AMOT: variants seen among roughly 807,000 people sequenced by gnomAD.
AMOT encodes angiomotin.
A neutral mutation model predicts 67.0 loss-of-function variants in AMOT; 11 were observed. The ratio of observed to expected loss-of-function variants is 0.16; its 90% confidence interval spans 0.10 to 0.27. The LOEUF (loss-of-function observed/expected upper bound fraction) is 0.27. Among genes scored for constraint, AMOT ranks in the 10% least tolerant of loss-of-function variants. The pLI is 1.00. For missense variants in AMOT, 753 were observed against 852.0 expected (o/e 0.88, Z 1.45); for synonymous variants, 326 against 321.4 (o/e 1.01, Z -0.15).
Position 112,776,328 on chromosome X carries a change from T to C in AMOT, c.*2239A>G, listed in dbSNP as rs780881608. On this transcript the variant is annotated 3_prime_UTR_variant, in exon 14 of 14. Transcript: ENST00000371959. ...GGTGAAAAGTGTTTTTTAAATTATT[T>C]GGATAGAAAGTAGCTCTCCTGAAGT... 5 of 112,579 alleles carry C rather than the reference T, an allele frequency of 4.4e-5. No individual in the cohort carries two copies. The South Asian group carries it at 1.8e-3, about 42-fold the overall frequency. 9.3% of individuals were successfully genotyped at this position (112,579 alleles called of 1,213,427 possible).
chrX:112,837,077 G>C lies in AMOT; in HGVS notation c.-289+3375C>G, dbSNP rs142642393. Among the ~76,000 whole-genome samples, 28 of 111,266 alleles carry C rather than the reference G, an allele frequency of 2.5e-4. No homozygotes were observed. The East Asian group carries it at 7.9e-3, about 31-fold the overall frequency. On this transcript the variant is annotated intron_variant, in intron 1 of 13. Transcript: ENST00000371959. ...CCTGGGTTAGTCAAATACAGTAGCT[G>C]GAAATAAAACATTTTACCTATATGG...
rs184344806 is a variant in AMOT, at chrX:112,805,905, C to G, written c.1631-813G>C. Reference sequence around the variant, plus strand: ...CCATTTCACCTGAAGAAAACATCCTCTATTTGTGAATCTCCTTTTCTCCCT... The same window carrying G: ...CCATTTCACCTGAAGAAAACATCCTGTATTTGTGAATCTCCTTTTCTCCCT... On this transcript the variant is annotated intron_variant, in intron 7 of 13. Transcript: ENST00000371959. Among the ~76,000 whole-genome samples, 12 of 111,916 alleles carry G rather than the reference C, an allele frequency of 1.1e-4. No individual in the cohort carries two copies. The East Asian group carries it at 1.7e-3, about 16-fold the overall frequency.
chrX:112,812,664 A>G (rs1283817109), intron 5 of AMOT, among the ~76,000 whole-genome samples: 1 of 112,256 alleles, frequency 8.9e-6, no homozygotes, highest in African/African-American at 3.2e-5. Flanking sequence ...CGGTCTATTA[A>G]GCAATTTTCA....
intron 2 of AMOT, 62 bp from the exon 3 acceptor site, chrX:112,825,282 A>G (rs760985753): frequency 1.8e-5 from 2 of 111,638 alleles, no homozygotes; most frequent in African/African-American, 6.5e-5. Flanking sequence ...TTTGCCACCA[A>G]TGGCCAGCAG....
At position 112,779,178 on chromosome X, in the gene AMOT, C is replaced by T; in HGVS notation, c.2976G>A (p.Ala992=). Residue 992 remains alanine, a synonymous_variant, in exon 13 of 14, where the codon GCG becomes GCA. Transcript: ENST00000371959. The stretch of plus-strand genomic sequence containing the variant: ...TCTGAGCAGGAGCAGAAGCCTGAGC[C>T]GCTGCTGGAGCTGGAACCGGAACCA... ...PALVPVPAPA[A]AQASAPAQTQ... 2.3e-6 allele frequency: 2 copies of T among 851,401 alleles called. No homozygotes were observed. The highest frequency in any genetic ancestry group is 1.8e-6 in the Non-Finnish European group (1 of 566,566). The allele number at this position is 851,401 out of a possible 1,213,427, so 70.2% of individuals were successfully genotyped here. A position where few individuals can be genotyped will look rare whatever the true frequency, so the allele number is the denominator to read the frequency against.
chrX:112,790,406 G>A (rs1933526512), intron 10 of AMOT, among the ~76,000 whole-genome samples, 186 bp downstream of exon 10: 2 of 111,105 alleles, frequency 1.8e-5, no homozygotes, highest in Admixed American at 1.9e-4. Flanking sequence ...CAACTTTGAT[G>A]TTCAAATCCC....
intron 8 of AMOT, among the ~76,000 whole-genome samples, chrX:112,803,853 C>T (rs1368598526): frequency 1.8e-5 from 2 of 112,158 alleles, no homozygotes; most frequent in Non-Finnish European, 3.8e-5. Context: ...AATTTCTCAA[C>T]TTTTTATGAT....
chrX:112,835,586 C>CT (rs141494395), intron 1 of AMOT, among the ~76,000 whole-genome samples: 42 of 92,394 alleles, frequency 4.5e-4, no homozygotes, highest in African/African-American at 1.1e-3. Flanking sequence ...TCCATCAAAT[C>CT]TTTTTTTTTT....
Position 112,779,111 on chromosome X carries a change from C to G in AMOT, c.3043G>C (p.Ala1015Pro). The G allele has an allele frequency of 1.7e-6, 2 of 1,159,009 alleles. No homozygotes were observed. The highest frequency in any genetic ancestry group is 2.4e-6 in the Non-Finnish European group (2 of 847,193). Residue 1015 changes from alanine (A) to proline (P), a missense_variant, in exon 13 of 14, where the codon GCT (alanine) becomes CCT (proline). Ala to Pro is a conservative substitution (Grantham distance 27, BLOSUM62 -1). Coordinates refer to ENST00000371959, the MANE Select transcript of AMOT (RefSeq NM_001113490.2). ...TSAPAVAPTP[A>P]PTPTPAVAQA... ...GCCACAGCTGGAGTTGGAGTTGGAG[C>G]TGGAGTTGGAGCCACAGCCGGAGCT...
intron 5 of AMOT, among the ~76,000 whole-genome samples, chrX:112,812,601 T>C (rs1287440763): frequency 1.8e-5 from 2 of 112,138 alleles, no homozygotes; most frequent in African/African-American, 6.5e-5. Flanking sequence ...CCATTGCACA[T>C]ATAATAGCCA....
At chrX:112,801,277 A>T (rs1418164594) in intron 8 of AMOT, among the ~76,000 whole-genome samples, 6 of 111,150 alleles carry the variant, frequency 5.4e-5, no homozygotes, top group African/African-American at 2.0e-4. Context: ...TGTAGGACAC[A>T]GAGCTCTTTT....
intron 11 of AMOT, among the ~76,000 whole-genome samples, chrX:112,781,351 A>G (rs1933161698): frequency 9.3e-6 from 1 of 107,929 alleles, no homozygotes; most frequent in African/African-American, 3.4e-5. Flanking sequence ...GAGGCAGGAG[A>G]ATCACTTTAA....
chrX:112,780,751 A>G (rs1194047542), intron 12 of AMOT, 135 bp downstream of exon 12: 1 of 654,343 alleles, frequency 1.5e-6, no homozygotes, highest in Non-Finnish European at 2.3e-6. Context: ...CTCAGGAGGA[A>G]AAAAAAACTC....
At chrX:112,811,795 T>G (rs1353645338) in intron 5 of AMOT, among the ~76,000 whole-genome samples, 7 of 112,044 alleles carry the variant, frequency 6.2e-5, no homozygotes, top group Non-Finnish European at 1.1e-4. Context: ...GGTTCCAGTC[T>G]GCACTGATTA....
chrX:112,804,625 T>A (rs1031537121), intron 8 of AMOT, among the ~76,000 whole-genome samples: 1 of 112,031 alleles, frequency 8.9e-6, no homozygotes, highest in Non-Finnish European at 1.9e-5. Context: ...TATTTATATA[T>A]CTGTCATAGG....
chrX:112,805,783 C>T (rs1304724688), intron 7 of AMOT, among the ~76,000 whole-genome samples: 1 of 111,909 alleles, frequency 8.9e-6, no homozygotes, highest in Non-Finnish European at 1.9e-5. Flanking sequence ...TTTTATCCTA[C>T]TCCTTCTCCA....
intron 8 of AMOT, among the ~76,000 whole-genome samples, chrX:112,800,397 G>T (rs1313952095): frequency 8.9e-6 from 1 of 112,087 alleles, no homozygotes. Flanking sequence ...CACTTTGGAA[G>T]ATTCCTGGGT....
intron 10 of AMOT, 98 bp downstream of exon 10, chrX:112,790,494 G>A (rs1362502721): frequency 4.1e-6 from 4 of 964,572 alleles, no homozygotes; most frequent in South Asian, 5.7e-5. Flanking sequence ...AATTGGGGGG[G>A]AAACCCAGAA....
At chrX:112,796,204 G>A (rs914973698) in intron 8 of AMOT, among the ~76,000 whole-genome samples, 7 of 111,892 alleles carry the variant, frequency 6.3e-5, no homozygotes, top group South Asian at 3.7e-4. Context: ...ATTCTTAGGC[G>A]TAAAAACAAA....
Sources: gnomAD v4.1 joint callset for allele counts (sites outside exome capture counted in the v4.1 genomes callset) on GRCh38, gnomAD v4.1.1 for gene constraint, MANE v1.5 for transcripts, NCBI Gene and HGNC (gene_info 2026-07-23, HGNC 2026-07-21) for gene names.